The following MAP4K3 variants were observed in gnomAD, a reference collection of about 807,000 sequenced individuals.
MAP4K3 encodes the protein mitogen-activated protein kinase kinase kinase kinase 3, also known as MAPK/ERK kinase kinase kinase 3.
MAP4K3 carries 94 observed loss-of-function variants against 143.5 expected under a neutral mutation model. That is an observed-to-expected ratio of 0.65 (90% CI 0.55 to 0.78). The LOEUF is 0.78. Among genes scored for constraint, MAP4K3 ranks in the 30% least tolerant of loss-of-function variants. The pLI is 0.00. For synonymous variants in MAP4K3, 416 were observed against 347.2 expected (o/e 1.20, Z -2.20); for missense variants, 1,077 against 1,068.1 (o/e 1.01, Z -0.12).
chr2:39,361,152 T>C (rs1327409765), intron 2 of MAP4K3, among the ~76,000 whole-genome samples: 1 of 152,088 alleles, frequency 6.6e-6, no homozygotes, highest in Non-Finnish European at 1.5e-5. Context: ...CTGCCTCCCG[T>C]TTCTCTTCTG....
rs574075645 is a variant in MAP4K3 at position 39,366,387 on chromosome 2, GGGTTGC to G, written c.155-10054_155-10049del. Among the ~76,000 whole-genome samples, 17 of 152,274 alleles carry G rather than the reference GGGTTGC, an allele frequency of 1.1e-4. 1 individual carries two copies. The South Asian group carries it at 3.1e-3, about 28-fold the overall frequency. ...AAAGGAATGTCTGGGTTCTGATAAG[GGGTTGC>G]GGAGACCAAGGTTTTATCATGCAGA... On this transcript the variant is annotated intron_variant, in intron 2 of 33. Transcript: ENST00000263881.
At chr2:39,398,197 A>T (rs1483331372) in intron 1 of MAP4K3, among the ~76,000 whole-genome samples, 1 of 152,212 alleles carries the variant, frequency 6.6e-6, no homozygotes, top group Non-Finnish European at 1.5e-5. Flanking sequence ...AATCAGTATG[A>T]AATTGCCTGT....
intron 3 of MAP4K3, among the ~76,000 whole-genome samples, chr2:39,354,212 G>A (rs1382650810): frequency 6.6e-6 from 1 of 152,070 alleles, no homozygotes; most frequent in Non-Finnish European, 1.5e-5. Flanking sequence ...GGGAGGCTGA[G>A]GTGGGTGGAT....
intron 3 of MAP4K3, among the ~76,000 whole-genome samples, chr2:39,350,579 T>G (rs1403761014): frequency 6.6e-6 from 1 of 152,238 alleles, no homozygotes; most frequent in Non-Finnish European, 1.5e-5. Flanking sequence ...AAGATCCAGT[T>G]GTTTCCCTTC....
intron 2 of MAP4K3, among the ~76,000 whole-genome samples, chr2:39,364,597 G>C (rs1444501156): frequency 6.6e-6 from 1 of 152,234 alleles, no homozygotes; most frequent in Non-Finnish European, 1.5e-5. Context: ...GCCAGGTGCG[G>C]TGGCTTACGC....
At chr2:39,382,561 A>G (rs1230415678) in intron 1 of MAP4K3, among the ~76,000 whole-genome samples, 1 of 152,246 alleles carries the variant, frequency 6.6e-6, no homozygotes, top group Non-Finnish European at 1.5e-5. Context: ...TTCTAATTCT[A>G]AAAGTCAATG....
At chr2:39,349,794 A>G (rs1339963599) in intron 3 of MAP4K3, among the ~76,000 whole-genome samples, 1 of 151,800 alleles carries the variant, frequency 6.6e-6, no homozygotes, top group Non-Finnish European at 1.5e-5. Context: ...AAGAAATAAA[A>G]CTTCTAATTC....
intron 16 of MAP4K3, 53 bp downstream of exon 16, chr2:39,299,690 G>T: frequency 1.0e-6 from 1 of 960,514 alleles, no homozygotes; most frequent in Non-Finnish European, 1.5e-6. Flanking sequence ...TAATATTAAA[G>T]GCAACTTAAT....
intron 1 of MAP4K3, among the ~76,000 whole-genome samples, chr2:39,404,617 CTTTTT>C (rs1174319224): frequency 4.6e-5 from 4 of 86,114 alleles, no homozygotes; most frequent in South Asian, 4.0e-4. Flanking sequence ...TTCTTTCTTT[CTTTTT>C]TTTTTTTTTT....
chr2:39,320,216 A>G (rs1035334372), intron 12 of MAP4K3, among the ~76,000 whole-genome samples: 1 of 152,220 alleles, frequency 6.6e-6, no homozygotes, highest in African/African-American at 2.4e-5. Context: ...CAATAATTCA[A>G]TAGCTGTTTA....
intron 26 of MAP4K3, among the ~76,000 whole-genome samples, chr2:39,268,020 T>C (rs145064334): frequency 6.6e-6 from 1 of 152,312 alleles, no homozygotes; most frequent in East Asian, 1.9e-4. Context: ...TACATTTACA[T>C]GTACTGTAAA....
chr2:39,262,096 G>A (rs1301018799), intron 28 of MAP4K3, among the ~76,000 whole-genome samples: 1 of 151,974 alleles, frequency 6.6e-6, no homozygotes, highest in Non-Finnish European at 1.5e-5. Flanking sequence ...TGTTTTCACT[G>A]TATTTTCCAA....
At chr2:39,385,979 T>C (rs1252183752) in intron 1 of MAP4K3, among the ~76,000 whole-genome samples, 2 of 152,252 alleles carry the variant, frequency 1.3e-5, no homozygotes, top group East Asian at 3.9e-4. Flanking sequence ...TTGTTAACAG[T>C]GTTTTTTGCA....
At chr2:39,370,845 T>C (rs1206807123) in intron 2 of MAP4K3, among the ~76,000 whole-genome samples, 1 of 152,114 alleles carries the variant, frequency 6.6e-6, no homozygotes, top group Non-Finnish European at 1.5e-5. Flanking sequence ...ATACCACAAA[T>C]GAGTATAAGT....
chr2:39,355,859 A>G (rs1458065802), intron 3 of MAP4K3, among the ~76,000 whole-genome samples: 1 of 152,244 alleles, frequency 6.6e-6, no homozygotes, highest in East Asian at 1.9e-4. Flanking sequence ...TAGTACTCTT[A>G]GACCAGAAGC....
At chr2:39,303,337 A>G (rs1164499544) in intron 15 of MAP4K3, among the ~76,000 whole-genome samples, 3 of 152,234 alleles carry the variant, frequency 2.0e-5, no homozygotes, top group Non-Finnish European at 4.4e-5. Context: ...AAAAGCAAGT[A>G]GAGTCAGAAT....
At chr2:39,312,071 T>C (rs770695558) in intron 13 of MAP4K3, among the ~76,000 whole-genome samples, 1 of 152,076 alleles carries the variant, frequency 6.6e-6, no homozygotes, top group Non-Finnish European at 1.5e-5. Flanking sequence ...AAAATAAAAA[T>C]ATGGGAGTTG....
At chr2:39,412,878 T>C (rs1284151756) in intron 1 of MAP4K3, among the ~76,000 whole-genome samples, 1 of 152,138 alleles carries the variant, frequency 6.6e-6, no homozygotes, top group Non-Finnish European at 1.5e-5. Flanking sequence ...AAAATTCAAA[T>C]CTGGCAATCA....
intron 5 of MAP4K3, 33 bp from the exon 6 acceptor site, chr2:39,337,000 AT>A: frequency 8.8e-7 from 1 of 1,131,382 alleles, no homozygotes; most frequent in Non-Finnish European, 1.3e-6. Context: ...AATAAACAAG[AT>A]TTTATCAAAG....
Sources: gnomAD v4.1 joint callset for allele counts (sites outside exome capture counted in the v4.1 genomes callset) on GRCh38, gnomAD v4.1.1 for gene constraint, MANE v1.5 for transcripts, NCBI Gene and HGNC (gene_info 2026-07-23, HGNC 2026-07-21) for gene names.